The following TBC1D5 variants were observed in gnomAD, a reference collection of about 807,000 sequenced individuals.
TBC1D5 encodes TBC1 domain family, member 5.
TBC1D5 carries 75 observed loss-of-function variants against 100.3 expected under a neutral mutation model. That is an observed-to-expected ratio of 0.75 (90% CI 0.62 to 0.91). TBC1D5 has a LOEUF of 0.91. Among genes scored for constraint, TBC1D5 ranks in the 40% least tolerant of loss-of-function variants. TBC1D5 has a pLI of 0.00. For missense variants in TBC1D5, 910 were observed against 942.4 expected (o/e 0.97, Z 0.45); for synonymous variants, 323 against 325.6 (o/e 0.99, Z 0.09).
At chr3:17,303,828 T>C (rs1225986421) in intron 14 of TBC1D5, among the ~76,000 whole-genome samples, 2 of 138,110 alleles carry the variant, frequency 1.4e-5, no homozygotes, top group Admixed American at 1.5e-4. Flanking sequence ...GATCACAATC[T>C]ACCTCTTTTT....
rs994829802 is a variant in TBC1D5, at chr3:17,560,660, C to T, written c.-35-52055G>A. 3.3e-5 allele frequency among the ~76,000 whole-genome samples: 5 copies of T among 151,624 alleles called. No individual in the cohort carries two copies. In the South Asian group the frequency reaches 1.0e-3, roughly 32 times the overall value. On this transcript the variant is annotated intron_variant, in intron 2 of 21. Transcript: ENST00000253692. ...GGTGGGGGGCGGACACAGTGGCTCACACCTGTAATCCCAGCACTTTGGGAG... is the reference window on the plus strand; with the variant it reads ...GGTGGGGGGCGGACACAGTGGCTCATACCTGTAATCCCAGCACTTTGGGAG...
chr3:17,519,243 T>C (rs1032188074), intron 2 of TBC1D5, among the ~76,000 whole-genome samples: 1 of 152,238 alleles, frequency 6.6e-6, no homozygotes, highest in African/African-American at 2.4e-5. Context: ...CTTATAGACC[T>C]TCTCAAGATT....
intron 2 of TBC1D5, among the ~76,000 whole-genome samples, chr3:17,509,213 T>C (rs1042013592): frequency 6.6e-6 from 1 of 151,932 alleles, no homozygotes; most frequent in Non-Finnish European, 1.5e-5. Flanking sequence ...TAATTATTCC[T>C]AGCATTCTAT....
intron 2 of TBC1D5, among the ~76,000 whole-genome samples, chr3:17,563,711 A>C (rs914898567): frequency 6.6e-5 from 10 of 152,216 alleles, no homozygotes; most frequent in Non-Finnish European, 8.8e-5. Flanking sequence ...ATATCCAAGT[A>C]AGAAACAATG....
At chr3:17,367,017 G>A (rs1038909931) in intron 13 of TBC1D5, among the ~76,000 whole-genome samples, 5 of 152,116 alleles carry the variant, frequency 3.3e-5, no homozygotes, top group African/African-American at 1.2e-4. Context: ...TAATTTAACA[G>A]TGACGAAGCC....
At chr3:17,491,644 C>T (rs536956209) in intron 3 of TBC1D5, among the ~76,000 whole-genome samples, 5 of 152,192 alleles carry the variant, frequency 3.3e-5, no homozygotes, top group South Asian at 2.1e-4. Flanking sequence ...CCTTGCATCC[C>T]GGGGATGAGG....
intron 2 of TBC1D5, among the ~76,000 whole-genome samples, chr3:17,560,259 C>A (rs1393212363): frequency 2.6e-5 from 4 of 152,146 alleles, no homozygotes; most frequent in Non-Finnish European, 4.4e-5. Context: ...TCAGGTACTT[C>A]AGTGAATAAC....
At chr3:17,329,255 C>T (rs2151110979) in intron 13 of TBC1D5, among the ~76,000 whole-genome samples, 1 of 152,266 alleles carries the variant, frequency 6.6e-6, no homozygotes. Context: ...TTATGTCATC[C>T]ACCAACATGA....
Position 17,442,844 on chromosome 3 carries a change from G to C in TBC1D5, c.98-14325C>G, listed in dbSNP as rs941817008. The stretch of plus-strand genomic sequence containing the variant: ...ACTTAACTGGAACAGCAGGAGAGTT[G>C]GTAATGGGAAGGAAGGGAGAAGAGA... On this transcript the variant is annotated intron_variant, in intron 3 of 21. Transcript: ENST00000253692. Among the ~76,000 whole-genome samples, 3 of 152,028 alleles carry C rather than the reference G, an allele frequency of 2.0e-5. 1 individual carries two copies. In the South Asian group the frequency reaches 6.2e-4, roughly 32 times the overall value.
chr3:17,576,734 T>C (rs929968212), intron 2 of TBC1D5, among the ~76,000 whole-genome samples: 1 of 152,004 alleles, frequency 6.6e-6, no homozygotes, highest in Non-Finnish European at 1.5e-5. Flanking sequence ...AAATGAATCT[T>C]GTCTCCCTTC....
At chr3:17,195,164 G>C (rs2070484011) in intron 18 of TBC1D5, among the ~76,000 whole-genome samples, 1 of 152,188 alleles carries the variant, frequency 6.6e-6, no homozygotes, top group Admixed American at 6.5e-5. Flanking sequence ...TTATGTATGG[G>C]AGTCTAATTA....
At chr3:17,307,842 T>C in intron 14 of TBC1D5, 150 bp downstream of exon 14, 2 of 903,178 alleles carry the variant, frequency 2.2e-6, no homozygotes, top group Non-Finnish European at 3.3e-6. Context: ...ATGTTTAGTA[T>C]ATTCCTTTGA....
At chr3:17,549,124 C>T (rs778312705) in intron 2 of TBC1D5, among the ~76,000 whole-genome samples, 7 of 152,034 alleles carry the variant, frequency 4.6e-5, no homozygotes, top group Non-Finnish European at 7.4e-5. Flanking sequence ...ATGGTGAAGA[C>T]CTGTCTCTAC....
At chr3:17,272,794 G>A (rs1186996900) in intron 15 of TBC1D5, among the ~76,000 whole-genome samples, 2 of 152,094 alleles carry the variant, frequency 1.3e-5, no homozygotes, top group East Asian at 1.9e-4. Flanking sequence ...CAAGTATATG[G>A]CATTGATAAT....
chr3:17,507,321 A>G (rs1046271039), intron 3 of TBC1D5, among the ~76,000 whole-genome samples: 3 of 152,202 alleles, frequency 2.0e-5, no homozygotes, highest in African/African-American at 4.8e-5. Flanking sequence ...AATATTAAAC[A>G]TAAGTCTTGA....
chr3:17,267,270 G>A (rs895969010), intron 15 of TBC1D5, among the ~76,000 whole-genome samples: 13 of 152,026 alleles, frequency 8.6e-5, no homozygotes, highest in African/African-American at 2.9e-4. Flanking sequence ...TAGGAGTTTA[G>A]GTCTACAAAT....
intron 2 of TBC1D5, among the ~76,000 whole-genome samples, chr3:17,608,243 C>T (rs1221695811): frequency 6.6e-6 from 1 of 152,024 alleles, no homozygotes; most frequent in Non-Finnish European, 1.5e-5. Context: ...GACAACAGAG[C>T]GAGACTCTGT....
chr3:17,680,235 C>CTT (rs879752875), intron 1 of TBC1D5, among the ~76,000 whole-genome samples: 1 of 139,716 alleles, frequency 7.2e-6, no homozygotes. Flanking sequence ...TGTATATTCG[C>CTT]TTTTTTTTTT....
intron 2 of TBC1D5, among the ~76,000 whole-genome samples, chr3:17,598,146 G>C (rs945178671): frequency 3.3e-5 from 5 of 152,032 alleles, no homozygotes; most frequent in African/African-American, 1.2e-4. Flanking sequence ...AAAATTTCAG[G>C]AACTACGGTT....
Sources: gnomAD v4.1 joint callset for allele counts (sites outside exome capture counted in the v4.1 genomes callset) on GRCh38, gnomAD v4.1.1 for gene constraint, MANE v1.5 for transcripts, NCBI Gene and HGNC (gene_info 2026-07-23, HGNC 2026-07-21) for gene names.